PCDHA8: variants seen among roughly 807,000 people sequenced by gnomAD.
The protein encoded by PCDHA8 is protocadherin alpha-8.
PCDHA8 carries 53 observed loss-of-function variants against 61.8 expected under a neutral mutation model. That is an observed-to-expected ratio of 0.86 (90% CI 0.69 to 1.08). The LOEUF (loss-of-function observed/expected upper bound fraction) is 1.08. Among genes scored for constraint, PCDHA8 ranks in the 50% least tolerant of loss-of-function variants. PCDHA8 has a pLI of 0.00. For synonymous variants in PCDHA8, 618 were observed against 556.6 expected (o/e 1.11, Z -1.55); for missense variants, 1,293 against 1,245.0 (o/e 1.04, Z -0.58).
chr5:140,942,540 G>T (rs1013086382), intron 1 of PCDHA8, among the ~76,000 whole-genome samples: 52 of 152,164 alleles, frequency 3.4e-4, no homozygotes, highest in African/African-American at 1.1e-3. Flanking sequence ...TCAGTATGGT[G>T]GGGGGTAGGG....
intron 1 of PCDHA8, chr5:140,929,229 C>T: frequency 6.2e-7 from 1 of 1,613,880 alleles, no homozygotes; most frequent in South Asian, 1.1e-5. Context: ...ATGCTGCCGA[C>T]CTGCGAAATC....
At position 141,009,850 on chromosome 5, in the gene PCDHA8, CAAGAAAAAG is replaced by C. The variant is rs782749911; in HGVS notation, c.2781_2789del (p.Lys928_Lys930del). 6.2e-6 allele frequency: 10 copies of C among 1,613,454 alleles called. No individual in the cohort carries two copies. The highest frequency in any genetic ancestry group is 1.7e-5 in the Admixed American group (1 of 59,950). ...TAACCTTCGGCAAAAAGGAGGAGAC[CAAGAAAAAG>C]AAGAAAAAGAAGAAGGGTAACAAGA... is the stretch of plus-strand genomic sequence containing the variant. On this transcript the variant is annotated inframe_deletion, in exon 4 of 4. Coordinates refer to ENST00000531613, the MANE Select transcript of PCDHA8 (RefSeq NM_018911.3).
At position 140,843,243 on chromosome 5, in the gene PCDHA8, A is replaced by G; in HGVS notation, c.1922A>G (p.Asp641Gly). Residue 641 changes from aspartate (D) to glycine (G), a missense_variant, in exon 1 of 4, where the codon GAC (aspartate) becomes GGC (glycine). Transcript: ENST00000531613. The part of the protein sequence containing the change: ...ISTTRVLDEA[D>G]SPRHRLLVLV... Reference sequence around the variant, plus strand: ...ACCACTCGTGTCCTGGACGAAGCGGACTCTCCGCGCCACCGTCTGCTGGTC... The same window carrying G: ...ACCACTCGTGTCCTGGACGAAGCGGGCTCTCCGCGCCACCGTCTGCTGGTC... The G allele has an allele frequency of 1.3e-6, 2 of 1,595,128 alleles. No individual in the cohort carries two copies. The highest frequency in any genetic ancestry group is 1.7e-6 in the Non-Finnish European group (2 of 1,165,308).
chr5:140,968,370 A>T (rs1169551068), intron 1 of PCDHA8: 1 of 1,613,428 alleles, frequency 6.2e-7, no homozygotes, highest in African/African-American at 1.3e-5. Flanking sequence ...TATGCTGTCA[A>T]CTCCTTTGAC....
At chr5:140,968,162 C>A in intron 1 of PCDHA8, 1 of 1,614,122 alleles carries the variant, frequency 6.2e-7, no homozygotes, top group East Asian at 2.2e-5. Flanking sequence ...CAATGACAAT[C>A]CACCAAGCTT....
At chr5:140,983,226 T>C (rs892083218) in intron 3 of PCDHA8, among the ~76,000 whole-genome samples, 1 of 152,216 alleles carries the variant, frequency 6.6e-6, no homozygotes, top group Non-Finnish European at 1.5e-5. Context: ...ATCCAAACTT[T>C]CAGGAAAGAG....
intron 1 of PCDHA8, chr5:140,968,948 A>G (rs1554231262): frequency 2.5e-6 from 4 of 1,614,064 alleles, no homozygotes; most frequent in East Asian, 4.5e-5. Flanking sequence ...CATTTTGAGC[A>G]TCATCAAGTG....
In PCDHA8 at chr5:140,856,229, C is replaced by T. The variant is rs17844338; in HGVS notation, c.2394+12514C>T. On this transcript the variant is annotated intron_variant, in intron 1 of 3. Transcript: ENST00000531613. ...GCTGGAGCTGGCGGAGCTGGTGCAG[C>T]GCCTGTTCCGGGTGGCGTCCAAAAG... 5 of 1,597,818 alleles carry T rather than the reference C, an allele frequency of 3.1e-6. No homozygotes were observed. The South Asian group carries it at 4.4e-5, about 14-fold the overall frequency.
chr5:140,967,774 G>C (rs1447955993), intron 1 of PCDHA8: 3 of 1,614,106 alleles, frequency 1.9e-6, no homozygotes, highest in Non-Finnish European at 1.7e-6. Context: ...TCTATGTGCA[G>C]GCGACTGACC....
At chr5:140,999,476 A>G (rs1209910607) in intron 3 of PCDHA8, among the ~76,000 whole-genome samples, 6 of 152,124 alleles carry the variant, frequency 3.9e-5, no homozygotes, top group African/African-American at 1.2e-4. Flanking sequence ...GCAGATTCCA[A>G]CTCAAGTCTA....
At chr5:140,904,164 T>A (rs1475689291) in intron 1 of PCDHA8, among the ~76,000 whole-genome samples, 2 of 152,078 alleles carry the variant, frequency 1.3e-5, no homozygotes, top group South Asian at 4.1e-4. Flanking sequence ...CAGTTTGTAG[T>A]CTTTTATTCC....
intron 1 of PCDHA8, among the ~76,000 whole-genome samples, chr5:140,891,208 C>T (rs2062983751): frequency 1.3e-5 from 2 of 152,002 alleles, no homozygotes; most frequent in African/African-American, 4.8e-5. Context: ...TTTTACCATG[C>T]TGTGTCTTTA....
At chr5:140,877,030 C>G (rs1554169262) in intron 1 of PCDHA8, 5 of 1,612,300 alleles carry the variant, frequency 3.1e-6, no homozygotes, top group Non-Finnish European at 3.4e-6. Context: ...GGTGTACGCG[C>G]TGCAGCCGCT....
intron 1 of PCDHA8, among the ~76,000 whole-genome samples, chr5:140,891,408 C>G (rs1341322877): frequency 2.0e-5 from 3 of 147,046 alleles, no homozygotes; most frequent in Admixed American, 6.8e-5. Flanking sequence ...TCGCCACCCC[C>G]CACTCTTGCC....
intron 1 of PCDHA8, chr5:140,861,593 A>G: frequency 2.7e-6 from 1 of 371,316 alleles, no homozygotes; most frequent in South Asian, 2.5e-5. Context: ...TGGAGGTGAA[A>G]GTGAAGAACA....
chr5:140,908,405 C>T (rs2073952752), intron 1 of PCDHA8, among the ~76,000 whole-genome samples: 1 of 152,150 alleles, frequency 6.6e-6, no homozygotes, highest in Non-Finnish European at 1.5e-5. Flanking sequence ...ATACCACTTC[C>T]ATTTGATGAT....
intron 1 of PCDHA8, chr5:140,866,786 T>C (rs368538353): frequency 6.6e-6 from 1 of 152,286 alleles, no homozygotes; most frequent in African/African-American, 2.4e-5. Context: ...TCCTGACTGA[T>C]ATAGTAAAAG....
At chr5:140,976,208 A>G (rs2096706017) in intron 1 of PCDHA8, among the ~76,000 whole-genome samples, 1 of 152,202 alleles carries the variant, frequency 6.6e-6, no homozygotes, top group Non-Finnish European at 1.5e-5. Context: ...TCAGAAGTAA[A>G]AAAGAGAAAG....
chr5:140,884,662 G>C lies in PCDHA8; in HGVS notation c.2394+40947G>C, dbSNP rs372022274. On this transcript the variant is annotated intron_variant, in intron 1 of 3. Transcript: ENST00000531613. ...AGGAGGACTCAGAATGCTTGAAAGA[G>C]GTAAGCTTATATTTTAAAAAATTGT... is the stretch of plus-strand genomic sequence containing the variant. 11 of 1,589,820 alleles carry C rather than the reference G, an allele frequency of 6.9e-6. No homozygotes were observed. In the African/African-American group the frequency reaches 9.4e-5, roughly 14 times the overall value.
Sources: allele counts gnomAD v4.1 joint callset (sites outside exome capture counted in the v4.1 genomes callset), GRCh38; gene constraint gnomAD v4.1.1; transcripts MANE v1.5; gene names NCBI Gene and HGNC (gene_info 2026-07-23, HGNC 2026-07-21).